The following KMT2C variants were observed in gnomAD, a reference collection of about 807,000 sequenced individuals.
KMT2C encodes the protein lysine methyltransferase 2C.
In KMT2C, 88 loss-of-function variants were observed where a neutral mutation model predicts 507.9. The observed-to-expected ratio is 0.17, with a 90% CI of 0.15 to 0.21. KMT2C has a LOEUF of 0.21. Ranked by LOEUF, KMT2C falls within the 10% of genes least tolerant of loss-of-function variation. KMT2C has a pLI of 1.00. For missense variants in KMT2C, 4,954 were observed against 5,957.8 expected (o/e 0.83, Z 5.55); for synonymous variants, 2,049 against 2,080.8 (o/e 0.98, Z 0.42).
At position 152,144,696 on chromosome 7, in the gene KMT2C, A is replaced by G. The variant is rs752665242; in HGVS notation, c.14343+17T>C. The G allele has an allele frequency of 6.2e-7, 1 of 1,609,244 alleles. No homozygotes were observed. Among genetic ancestry groups the G allele is most frequent in the Non-Finnish European group, 8.5e-7 (1 of 1,176,466 alleles). On this transcript the variant is annotated intron_variant, in intron 55 of 58. Coordinates refer to ENST00000262189, the MANE Select transcript of KMT2C (RefSeq NM_170606.3). The surrounding 1 kb of genome is among the most constrained non-coding windows in gnomAD (Gnocchi z 4.4). Reference sequence around the variant, plus strand: ...CACCCTGTCTCTCCACTTCCTGTACACAAAGTATTTCTTCACCTGAATCCG... The same window carrying G: ...CACCCTGTCTCTCCACTTCCTGTACGCAAAGTATTTCTTCACCTGAATCCG...
intron 26 of KMT2C, 142 bp from the exon 27 acceptor site, chr7:152,199,601 T>A: frequency 2.3e-6 from 1 of 433,804 alleles, no homozygotes; most frequent in Non-Finnish European, 4.0e-6. Flanking sequence ...ACAGAAGTAT[T>A]AAAAAATAGA....
At chr7:152,140,337 T>C (rs576625004) in intron 55 of KMT2C, among the ~76,000 whole-genome samples, 1 of 152,094 alleles carries the variant, frequency 6.6e-6, no homozygotes, top group South Asian at 2.1e-4. Flanking sequence ...CAAATGAAGC[T>C]CTTGGGGAAG....
intron 1 of KMT2C, among the ~76,000 whole-genome samples, chr7:152,417,140 A>C (rs1414328040): frequency 1.3e-5 from 2 of 152,056 alleles, no homozygotes; most frequent in Non-Finnish European, 2.9e-5. Context: ...AGAAGGAAAA[A>C]ATTTTAAAAA....
At chr7:152,350,111 G>A (rs778741574) in intron 2 of KMT2C, among the ~76,000 whole-genome samples, 29 of 152,152 alleles carry the variant, frequency 1.9e-4, no homozygotes, top group African/African-American at 2.7e-4. Flanking sequence ...TCAGCTGGGC[G>A]TGGTGGCACA....
At chr7:152,420,593 T>C (rs2097771320) in intron 1 of KMT2C, among the ~76,000 whole-genome samples, 1 of 152,022 alleles carries the variant, frequency 6.6e-6, no homozygotes, top group Non-Finnish European at 1.5e-5. Flanking sequence ...TCCCAGAACT[T>C]TGGGAGGCCG....
At chr7:152,408,684 G>A (rs2097648556) in intron 1 of KMT2C, among the ~76,000 whole-genome samples, 1 of 152,080 alleles carries the variant, frequency 6.6e-6, no homozygotes, top group African/African-American at 2.4e-5. Flanking sequence ...GATCTAAGGT[G>A]GAAGAGTTTC....
intron 7 of KMT2C, 27 bp from the exon 8 acceptor site, chr7:152,265,236 T>C (rs1400762496): frequency 1.9e-6 from 3 of 1,610,628 alleles, no homozygotes; most frequent in Admixed American, 1.7e-5. Context: ...AACAATGAAA[T>C]TGTTGTATAA....
At chr7:152,389,737 G>A (rs376800638) in intron 1 of KMT2C, among the ~76,000 whole-genome samples, 17 of 151,808 alleles carry the variant, frequency 1.1e-4, no homozygotes, top group African/African-American at 2.4e-4. Context: ...CACCATGCTC[G>A]GCCTACACGA....
intron 31 of KMT2C, among the ~76,000 whole-genome samples, chr7:152,190,824 T>C (rs2093769317): frequency 6.6e-6 from 1 of 152,170 alleles, no homozygotes. Flanking sequence ...TCTATTGAAG[T>C]TACTCCACTG....
intron 1 of KMT2C, among the ~76,000 whole-genome samples, chr7:152,378,954 T>C (rs1176307918): frequency 6.6e-6 from 1 of 152,154 alleles, no homozygotes; most frequent in African/African-American, 2.4e-5. Flanking sequence ...AAATGAAATA[T>C]ATAAAAGTTG....
chr7:152,220,775 C>G (rs1309111129), intron 22 of KMT2C, 40 bp from the exon 23 acceptor site: 4 of 1,472,714 alleles, frequency 2.7e-6, no homozygotes. Flanking sequence ...TTTAAACTTT[C>G]ATTTCAAATT....
intron 49 of KMT2C, 152 bp from the exon 50 acceptor site, chr7:152,151,733 TAC>T (rs2091640724): frequency 1.8e-6 from 1 of 561,974 alleles, no homozygotes; most frequent in Non-Finnish European, 2.9e-6. Flanking sequence ...AAGCAATGGT[TAC>T]AGAGTCGATT....
chr7:152,135,511 C>CTT lies in KMT2C; in HGVS notation c.*1319_*1320dup, dbSNP rs112800369. ...GCAGCTGTAAGCATAATCACATCTC[C>CTT]TTTTTTTTTTTAACTTTTTCAAATT... On this transcript the variant is annotated 3_prime_UTR_variant, in exon 59 of 59. Transcript: ENST00000262189. 6.5e-5 allele frequency: 13 copies of CTT among 201,204 alleles called. No individual in the cohort carries two copies. Among genetic ancestry groups the CTT allele is most frequent in the East Asian group, 7.9e-5 (1 of 12,672 alleles). 12.5% of individuals were successfully genotyped at this position (201,204 alleles called of 1,614,324 possible).
At chr7:152,231,578 C>T (rs373505072) in intron 16 of KMT2C, among the ~76,000 whole-genome samples, 1 of 152,172 alleles carries the variant, frequency 6.6e-6, no homozygotes. Flanking sequence ...CTCAGGAGTT[C>T]GAGACCAGCC....
intron 1 of KMT2C, among the ~76,000 whole-genome samples, chr7:152,369,417 C>CT (rs1484824458): frequency 6.6e-6 from 1 of 151,708 alleles, no homozygotes. Context: ...CAAAATCTGA[C>CT]TGTTTGTAAA....
At position 152,194,582 on chromosome 7, in the gene KMT2C, G is replaced by C; in HGVS notation, c.4379-14C>G. On this transcript the variant is annotated splice_polypyrimidine_tract_variant and intron_variant, in intron 28 of 58. Transcript: ENST00000262189. ...CAGGACCAATATCTACAAGAGTAAG[G>C]AAAATAAATTTAAAGGTACATTCAG... 1.2e-6 allele frequency: 2 copies of C among 1,607,708 alleles called. No homozygotes were observed. Among genetic ancestry groups the C allele is most frequent in the Non-Finnish European group, 1.7e-6 (2 of 1,175,112 alleles).
At chr7:152,381,741 C>T (rs180703625) in intron 1 of KMT2C, among the ~76,000 whole-genome samples, 4 of 152,300 alleles carry the variant, frequency 2.6e-5, no homozygotes, top group Admixed American at 6.5e-5. Flanking sequence ...TTGTCTTCTC[C>T]TTCTGACACT....
chr7:152,359,946 G>A (rs1015181324), intron 1 of KMT2C, among the ~76,000 whole-genome samples: 4 of 151,322 alleles, frequency 2.6e-5, no homozygotes, highest in African/African-American at 9.7e-5. Flanking sequence ...CTACTTGGGA[G>A]GCTGAGGCAC....
At chr7:152,287,313 C>G (rs973231990) in intron 6 of KMT2C, among the ~76,000 whole-genome samples, 1 of 152,192 alleles carries the variant, frequency 6.6e-6, no homozygotes, top group African/African-American at 2.4e-5. Flanking sequence ...AAGTGAAAAG[C>G]AGGAACCTTT....
Sources: allele counts gnomAD v4.1 joint callset (sites outside exome capture counted in the v4.1 genomes callset), GRCh38; gene constraint gnomAD v4.1.1; non-coding constraint Gnocchi (gnomAD v3.1); transcripts MANE v1.5; gene names NCBI Gene and HGNC (gene_info 2026-07-23, HGNC 2026-07-21).